Variants in CNTNAP2 observed in about 807,000 individuals in gnomAD.
CNTNAP2 encodes the protein contactin-associated protein-like 2.
A neutral mutation model predicts 155.2 loss-of-function variants in CNTNAP2; 98 were observed. That is an observed-to-expected ratio of 0.63 (90% CI 0.54 to 0.75). The LOEUF (loss-of-function observed/expected upper bound fraction) is 0.75, where lower values mean the gene tolerates loss of function less well. Among genes scored for constraint, CNTNAP2 ranks in the 30% least tolerant of loss-of-function variants. CNTNAP2 has a pLI of 0.00. For synonymous variants in CNTNAP2, 651 were observed against 631.2 expected, an observed-to-expected ratio of 1.03 and a Z score of -0.47; for missense variants, 1,727 against 1,688.1, an observed-to-expected ratio of 1.02 and a Z score of -0.40.
chr7:147,290,242 A>G (rs891966305), intron 8 of CNTNAP2, among the ~76,000 whole-genome samples: 1 of 152,180 alleles, frequency 6.6e-6, no homozygotes, highest in Non-Finnish European at 1.5e-5. Flanking sequence ...CAGCATTATA[A>G]CTTATGCCTG....
rs562969872 is a variant in CNTNAP2 at position 147,151,544 on chromosome 7, T to G, written c.1348+19035T>G. On this transcript the variant is annotated intron_variant, in intron 8 of 23. Coordinates refer to ENST00000361727, the MANE Select transcript of CNTNAP2 (RefSeq NM_014141.6). ...GACAATGCAAATATTCACATCTTGTTTGGGCAATTCAGGCAAAAGTCTAAT... is the reference window on the plus strand; with the variant it reads ...GACAATGCAAATATTCACATCTTGTGTGGGCAATTCAGGCAAAAGTCTAAT... Among the ~76,000 whole-genome samples the G allele has an allele frequency of 1.3e-5, 2 of 152,168 alleles. 1 individual carries two copies. The highest frequency in any genetic ancestry group is 2.9e-5 in the Non-Finnish European group (2 of 68,004).
intron 10 of CNTNAP2, among the ~76,000 whole-genome samples, chr7:147,465,476 T>G (rs540515274): frequency 3.3e-5 from 5 of 152,120 alleles, no homozygotes; most frequent in Non-Finnish European, 7.3e-5. Flanking sequence ...CATAGAAACA[T>G]TTTTTATATT....
chr7:148,351,744 C>CAAAAAAAAAAAA (rs71188974), intron 21 of CNTNAP2, among the ~76,000 whole-genome samples: 6,668 of 84,664 alleles, frequency 0.079, 1,026 homozygotes, highest in East Asian at 0.41. Context: ...CTCTGTCTCA[C>CAAAAAAAAAAAA]AAAAAAAAAA....
chr7:147,482,161 A>T (rs1451867625), intron 10 of CNTNAP2, among the ~76,000 whole-genome samples: 1 of 152,166 alleles, frequency 6.6e-6, no homozygotes, highest in Non-Finnish European at 1.5e-5. Context: ...ACAGGTGCTC[A>T]ACAAACCATT....
At chr7:147,347,642 A>C (rs1442535677) in intron 9 of CNTNAP2, among the ~76,000 whole-genome samples, 1 of 151,846 alleles carries the variant, frequency 6.6e-6, no homozygotes, top group African/African-American at 2.4e-5. Flanking sequence ...AATCTCTATC[A>C]AAATAGGAAT....
chr7:146,277,356 G>A (rs181982750), intron 1 of CNTNAP2, among the ~76,000 whole-genome samples: 27 of 152,276 alleles, frequency 1.8e-4, no homozygotes, highest in Middle Eastern at 3.4e-3. Flanking sequence ...AAATATATAG[G>A]AGTAAAAGTC....
Position 146,431,668 on chromosome 7 carries a change from C to T in CNTNAP2, c.97+314695C>T, listed in dbSNP as rs147111790. On this transcript the variant is annotated intron_variant, in intron 1 of 23. Coordinates refer to ENST00000361727, the MANE Select transcript of CNTNAP2 (RefSeq NM_014141.6). ...TTTCATAATGAGAAGACTGCGTTAT[C>T]ATAAGGATCAATAGACAAAAGTCAC... 5.0e-3 allele frequency among the ~76,000 whole-genome samples: 754 copies of T among 152,118 alleles called. 9 individuals carry two copies. The highest frequency in any genetic ancestry group is 0.017 in the African/African-American group (702 of 41,540).
intron 1 of CNTNAP2, among the ~76,000 whole-genome samples, chr7:146,464,369 G>T (rs753346337): frequency 2.6e-5 from 4 of 152,076 alleles, no homozygotes; most frequent in African/African-American, 4.8e-5. Flanking sequence ...GATGGCAGAA[G>T]AAATCTACGT....
chr7:148,022,714 G>GT (rs35219212), intron 15 of CNTNAP2, among the ~76,000 whole-genome samples: 40 of 151,078 alleles, frequency 2.6e-4, no homozygotes, highest in Admixed American at 3.3e-4. Flanking sequence ...TGTTTGGTTG[G>GT]TTTTTTTTTG....
At chr7:146,706,917 TA>T (rs778959277) in intron 1 of CNTNAP2, among the ~76,000 whole-genome samples, 12,155 of 126,448 alleles carry the variant, frequency 0.096, 833 homozygotes, top group African/African-American at 0.21. Context: ...ACTTAAAAGT[TA>T]AAAAAAAAAA....
chr7:146,608,875 C>G (rs1799089539), intron 1 of CNTNAP2, among the ~76,000 whole-genome samples: 1 of 152,050 alleles, frequency 6.6e-6, no homozygotes, highest in African/African-American at 2.4e-5. Flanking sequence ...GTACATACCT[C>G]TTACTTTCTC....
At chr7:146,770,171 T>C (rs1220510020) in intron 1 of CNTNAP2, among the ~76,000 whole-genome samples, 2 of 152,164 alleles carry the variant, frequency 1.3e-5, no homozygotes, top group Non-Finnish European at 2.9e-5. Context: ...TACTCTTTTG[T>C]TGCTTCATGT....
intron 8 of CNTNAP2, among the ~76,000 whole-genome samples, chr7:147,197,224 C>T (rs1297794933): frequency 2.0e-5 from 3 of 152,068 alleles, no homozygotes; most frequent in African/African-American, 7.2e-5. Flanking sequence ...CAGGCCACTA[C>T]TTCATTTACG....
In CNTNAP2 at chr7:146,871,386, C is replaced by T. The variant is rs143654813; in HGVS notation, c.402+31482C>T. The stretch of plus-strand genomic sequence containing the variant: ...TCTCTACTAAAATACAAAAATAAGG[C>T]GATCCTAATGGCAGGTGCCTGTAAT... On this transcript the variant is annotated intron_variant, in intron 3 of 23. Coordinates refer to ENST00000361727, the MANE Select transcript of CNTNAP2 (RefSeq NM_014141.6). Among the ~76,000 whole-genome samples, 777 of 151,946 alleles carry T rather than the reference C, an allele frequency of 5.1e-3. 4 individuals are homozygous for T. Among genetic ancestry groups the T allele is most frequent in the Non-Finnish European group, 9.0e-3 (609 of 67,954 alleles).
At chr7:147,613,854 GA>G (rs1219885460) in intron 12 of CNTNAP2, among the ~76,000 whole-genome samples, 4 of 152,020 alleles carry the variant, frequency 2.6e-5, no homozygotes, top group Admixed American at 6.6e-5. Flanking sequence ...AATAAAAAAA[GA>G]AATAATAGAA....
intron 13 of CNTNAP2, among the ~76,000 whole-genome samples, chr7:147,898,573 G>A (rs1249102014): frequency 6.6e-6 from 1 of 151,684 alleles, no homozygotes; most frequent in East Asian, 1.9e-4. Flanking sequence ...AGGTTGGAGT[G>A]CAATGGCGTA....
chr7:147,451,765 CA>C (rs113417672), intron 10 of CNTNAP2, among the ~76,000 whole-genome samples: 2,888 of 108,248 alleles, frequency 0.027, 26 homozygotes, highest in Middle Eastern at 0.047. Context: ...TTGTTTCTTC[CA>C]AAAAAAAAAA....
At chr7:147,073,982 G>A (rs1033037879) in intron 4 of CNTNAP2, among the ~76,000 whole-genome samples, 5 of 152,162 alleles carry the variant, frequency 3.3e-5, no homozygotes, top group African/African-American at 7.2e-5. Context: ...TCATTTGTTC[G>A]CTCTTTTAAA....
intron 15 of CNTNAP2, among the ~76,000 whole-genome samples, chr7:148,024,178 A>AAC (rs1312438502): frequency 6.6e-6 from 1 of 151,444 alleles, no homozygotes; most frequent in Non-Finnish European, 1.5e-5. Flanking sequence ...AAAAAAAAAA[A>AAC]ACTTTATAAC....
Sources: allele counts gnomAD v4.1 joint callset (sites outside exome capture counted in the v4.1 genomes callset), GRCh38; gene constraint gnomAD v4.1.1; transcripts MANE v1.5; gene names NCBI Gene and HGNC (gene_info 2026-07-23, HGNC 2026-07-21).